The following IL18R1 variants were observed in gnomAD, a reference collection of about 807,000 sequenced individuals.
IL18R1 encodes the protein interleukin-18 receptor 1.
Under a neutral mutation model 48.5 loss-of-function variants are expected in IL18R1, and 40 were observed. That is an observed-to-expected ratio of 0.82 (90% CI 0.64 to 1.07). IL18R1 has a LOEUF of 1.07. IL18R1 is among the 50% of genes least tolerant of loss of function. The pLI is 0.00. For synonymous variants in IL18R1, 232 were observed against 225.9 expected, an observed-to-expected ratio of 1.03 and a Z score of -0.24; for missense variants, 596 against 633.7, an observed-to-expected ratio of 0.94 and a Z score of 0.64.
rs758929643 is a variant in IL18R1, at chr2:102,396,538, T to C, written c.1278T>C (p.Val426=). ...GTTATCTTGCATTTTCAGCTGTTGT[T>C]GATGAAATCCACTCACTGATAGAGA... ...ERDVVPGGAV[V]DEIHSLIEKS... Residue 426 remains valine (V), a synonymous_variant, in exon 11 of 11, where the codon GTT becomes GTC. Coordinates refer to ENST00000233957, the MANE Select transcript of IL18R1 (RefSeq NM_003855.5). 2 of 1,578,424 alleles carry C rather than the reference T, an allele frequency of 1.3e-6. No homozygotes were observed.
At chr2:102,362,157 G>T (rs1678613681) in intron 1 of IL18R1, among the ~76,000 whole-genome samples, 1 of 152,284 alleles carries the variant, frequency 6.6e-6, no homozygotes, top group East Asian at 1.9e-4. Flanking sequence ...TTCTGAAGGA[G>T]GAAGATGGAG....
intron 5 of IL18R1, among the ~76,000 whole-genome samples, chr2:102,377,481 A>G (rs1333868117): frequency 6.6e-6 from 1 of 152,032 alleles, no homozygotes; most frequent in East Asian, 1.9e-4. Flanking sequence ...CTCCCGGCTA[A>G]TTTTTATATT....
At position 102,390,172 on chromosome 2, in the gene IL18R1, G is replaced by C; in HGVS notation, c.1066G>C (p.Val356Leu). ...GTGTGTCATTTATAGAGTTGACTTG[G>C]TTCTATTTTATAGACATTTAACGAG... is the stretch of plus-strand genomic sequence containing the variant. ...TVCVIYRVDL[V>L]LFYRHLTRRD... Residue 356 changes from valine to leucine, a missense_variant, in exon 9 of 11, where the codon GTT becomes CTT. Val to Leu is a conservative substitution (Grantham distance 32, BLOSUM62 1). Transcript: ENST00000233957. The C allele has an allele frequency of 6.2e-7, 1 of 1,613,938 alleles. No homozygotes were observed. Among genetic ancestry groups the C allele is most frequent in the Non-Finnish European group, 8.5e-7 (1 of 1,179,932 alleles).
intron 1 of IL18R1, among the ~76,000 whole-genome samples, chr2:102,361,998 A>C (rs562909462): frequency 1.3e-5 from 2 of 152,300 alleles, no homozygotes; most frequent in Admixed American, 1.3e-4. Context: ...CCACAGACAC[A>C]CGCGAACACA....
chr2:102,393,461 A>C (rs1680656051), intron 9 of IL18R1, among the ~76,000 whole-genome samples: 1 of 152,234 alleles, frequency 6.6e-6, no homozygotes, highest in Admixed American at 6.5e-5. Flanking sequence ...AGAACTGAAG[A>C]AGATTTTGCC....
At chr2:102,364,541 A>C (rs915668136) in intron 2 of IL18R1, among the ~76,000 whole-genome samples, 1 of 152,222 alleles carries the variant, frequency 6.6e-6, no homozygotes, top group Non-Finnish European at 1.5e-5. Context: ...CCACATATAC[A>C]CATGTATCAC....
intron 2 of IL18R1, among the ~76,000 whole-genome samples, chr2:102,363,535 T>G (rs556584185): frequency 6.6e-6 from 1 of 152,310 alleles, no homozygotes; most frequent in Non-Finnish European, 1.5e-5. Context: ...TTTTTTTATA[T>G]GTAATGATCT....
At chr2:102,396,416 A>T in intron 10 of IL18R1, 115 bp from the exon 11 acceptor site, 1 of 581,648 alleles carries the variant, frequency 1.7e-6, no homozygotes, top group Non-Finnish European at 3.0e-6. Flanking sequence ...TCTTAAAGAA[A>T]AACTTATTAG....
chr2:102,357,504 A>G (rs1365643111), intron 1 of IL18R1, among the ~76,000 whole-genome samples: 39 of 144,704 alleles, frequency 2.7e-4, no homozygotes, highest in Middle Eastern at 3.5e-3. Context: ...AAAAAAAAAG[A>G]AAAAAAAGAA....
Position 102,397,227 on chromosome 2 carries a change from G to A in IL18R1, c.*341G>A, listed in dbSNP as rs1042783905. 7 of 209,144 alleles carry A rather than the reference G, an allele frequency of 3.3e-5. No individual in the cohort carries two copies. The highest frequency in any genetic ancestry group is 6.6e-5 in the Non-Finnish European group (7 of 105,906). The allele number at this position is 209,144 out of a possible 1,614,324, so 13.0% of individuals were successfully genotyped here. The stretch of plus-strand genomic sequence containing the variant: ...ATAACCGATGCCCTACAAAAAGGGC[G>A]CATCTTTAAGAGTTTTAATGCCAGT... On this transcript the variant is annotated 3_prime_UTR_variant, in exon 11 of 11. Coordinates refer to ENST00000233957, the MANE Select transcript of IL18R1 (RefSeq NM_003855.5).
At chr2:102,374,024 A>T (rs1261113801) in intron 4 of IL18R1, 7 of 383,514 alleles carry the variant, frequency 1.8e-5, no homozygotes, top group Admixed American at 1.0e-4. Context: ...ATTATATATT[A>T]CAGTGTAATA....
intron 7 of IL18R1, among the ~76,000 whole-genome samples, chr2:102,386,511 A>T (rs1309995201): frequency 2.6e-5 from 4 of 152,186 alleles, no homozygotes; most frequent in Admixed American, 6.5e-5. Flanking sequence ...AGTGGGAACC[A>T]CTCTGTGGAA....
intron 6 of IL18R1, among the ~76,000 whole-genome samples, chr2:102,384,197 G>T (rs952456753): frequency 6.6e-6 from 1 of 152,204 alleles, no homozygotes; most frequent in Admixed American, 6.5e-5. Flanking sequence ...GGGTGCTGCA[G>T]TCATGTGTTT....
chr2:102,369,761 C>T (rs1221925827), intron 3 of IL18R1, among the ~76,000 whole-genome samples: 1 of 152,158 alleles, frequency 6.6e-6, no homozygotes, highest in Non-Finnish European at 1.5e-5. Context: ...GAAAATTTCC[C>T]GTTAGAACAG....
chr2:102,376,077 T>C lies in IL18R1; in HGVS notation c.625+14T>C, dbSNP rs769977470. On this transcript the variant is annotated intron_variant, in intron 5 of 10. Transcript: ENST00000233957. ...CAATAGTGGAAGGTAAGGGAAATCT[T>C]AGAATTGGGAAGAAACAGACGTATT... 1.3e-6 allele frequency: 2 copies of C among 1,547,252 alleles called. No homozygotes were observed. Among genetic ancestry groups the C allele is most frequent in the Non-Finnish European group, 8.7e-7 (1 of 1,151,822 alleles).
intron 1 of IL18R1, among the ~76,000 whole-genome samples, chr2:102,359,791 A>C (rs1282106549): frequency 6.6e-6 from 1 of 152,250 alleles, no homozygotes; most frequent in African/African-American, 2.4e-5. Flanking sequence ...TCTTCAACTC[A>C]ATCACTGTAC....
rs2105094407 is a variant in IL18R1 at position 102,381,646 on chromosome 2, C to A, written c.652C>A (p.Leu218Ile). The change falls in exon 6 of 11, where the codon CTT becomes ATT. Residue 218 changes from leucine to isoleucine, a missense_variant. Leu to Ile is a conservative substitution (Grantham distance 5, BLOSUM62 2). Around this residue, in one of 3 missense-constraint regions of IL18R1, gnomAD observed 360 missense variants for 339.4 expected, o/e 1.06. Transcript: ENST00000233957. Reference sequence around the variant, plus strand: ...TCGCAGTAATATAGTTCCGGTTCTTCTTGGACCAAAGCTTAACCATGTTGC... The same window carrying A: ...TCGCAGTAATATAGTTCCGGTTCTTATTGGACCAAAGCTTAACCATGTTGC... The part of the protein sequence containing the change: ...EDRSNIVPVL[L>I]GPKLNHVAVE... The A allele has an allele frequency of 6.2e-7, 1 of 1,613,192 alleles. No individual in the cohort carries two copies. The highest frequency in any genetic ancestry group is 2.2e-5 in the East Asian group (1 of 44,860).
intron 3 of IL18R1, among the ~76,000 whole-genome samples, chr2:102,371,161 C>T (rs748917018): frequency 6.6e-6 from 1 of 151,880 alleles, no homozygotes; most frequent in African/African-American, 2.4e-5. Context: ...CCTCAGCTTC[C>T]CGAGTAGCTG....
At chr2:102,360,693 T>G (rs1288593917) in intron 1 of IL18R1, among the ~76,000 whole-genome samples, 1 of 152,210 alleles carries the variant, frequency 6.6e-6, no homozygotes, top group Non-Finnish European at 1.5e-5. Flanking sequence ...TAAATTGCTT[T>G]GGAAATCAGA....
Sources: gnomAD v4.1 joint callset for allele counts (sites outside exome capture counted in the v4.1 genomes callset) on GRCh38, gnomAD v4.1.1 for gene constraint, gnomAD v4.1.1 regional missense constraint, MANE v1.5 for transcripts, NCBI Gene and HGNC (gene_info 2026-07-23, HGNC 2026-07-21) for gene names.